The following FMN2 variants were observed in gnomAD, a reference collection of about 807,000 sequenced individuals.
The protein encoded by FMN2 is formin-2.
A neutral mutation model predicts 142.3 loss-of-function variants in FMN2; 51 were observed. That is an observed-to-expected ratio of 0.36 (90% CI 0.29 to 0.45). FMN2 has a LOEUF of 0.45. Ranked by LOEUF, FMN2 falls within the 20% of genes least tolerant of loss-of-function variation. The probability of loss-of-function intolerance (pLI) is 1.00; values close to 1 mark genes in which losing one functional copy is unlikely to be tolerated. For missense variants in FMN2, 1,936 were observed against 2,122.8 expected, an observed-to-expected ratio of 0.91 and a Z score of 1.73; for synonymous variants, 882 against 869.8, an observed-to-expected ratio of 1.01 and a Z score of -0.25.
intron 1 of FMN2, among the ~76,000 whole-genome samples, chr1:240,113,490 A>G (rs55782825): frequency 0.65 from 96,730 of 147,690 alleles, 32,275 homozygotes; most frequent in African/African-American, 0.8. Flanking sequence ...CCGGGGAGGC[A>G]GAGGTCGCAG....
intron 2 of FMN2, among the ~76,000 whole-genome samples, chr1:240,146,779 T>G (rs1051023266): frequency 5.9e-5 from 9 of 152,202 alleles, no homozygotes; most frequent in African/African-American, 2.2e-4. Flanking sequence ...ATAGACTGTT[T>G]TGAATTTATT....
At chr1:240,439,167 C>T (rs967132863) in intron 16 of FMN2, among the ~76,000 whole-genome samples, 9 of 150,508 alleles carry the variant, frequency 6.0e-5, no homozygotes, top group African/African-American at 1.7e-4. Flanking sequence ...CAGCTACTTG[C>T]GAGACTGAGG....
chr1:240,438,586 C>G (rs563138147), intron 16 of FMN2, among the ~76,000 whole-genome samples: 1 of 152,328 alleles, frequency 6.6e-6, no homozygotes, highest in South Asian at 2.1e-4. Context: ...GAATAGTTTG[C>G]TCAATTCATG....
chr1:240,220,621 A>G (rs551802938), intron 6 of FMN2, among the ~76,000 whole-genome samples: 1 of 152,132 alleles, frequency 6.6e-6, no homozygotes, highest in African/African-American at 2.4e-5. Context: ...AACCTCATAC[A>G]GACCCACCAA....
intron 6 of FMN2, among the ~76,000 whole-genome samples, chr1:240,254,751 G>C (rs1572121036): frequency 6.6e-6 from 1 of 152,230 alleles, no homozygotes. Context: ...CAGAGGCCTT[G>C]TTGCTAGGGG....
intron 16 of FMN2, among the ~76,000 whole-genome samples, chr1:240,456,149 A>T (rs1465923555): frequency 6.6e-6 from 1 of 152,148 alleles, no homozygotes; most frequent in African/African-American, 2.4e-5. Flanking sequence ...GATAATTATT[A>T]TAATATATAC....
At chr1:240,158,897 T>C (rs574689144) in intron 2 of FMN2, among the ~76,000 whole-genome samples, 1 of 152,330 alleles carries the variant, frequency 6.6e-6, no homozygotes, top group African/African-American at 2.4e-5. Flanking sequence ...ATTGTATTTA[T>C]TATTCTTTGG....
intron 6 of FMN2, among the ~76,000 whole-genome samples, chr1:240,219,315 C>G (rs886724594): frequency 1.3e-5 from 2 of 152,068 alleles, no homozygotes; most frequent in Admixed American, 6.5e-5. Context: ...TCCTTCTTTA[C>G]CATGGACAGC....
intron 7 of FMN2, among the ~76,000 whole-genome samples, chr1:240,284,638 A>G (rs1235922823): frequency 6.6e-6 from 1 of 152,206 alleles, no homozygotes; most frequent in Non-Finnish European, 1.5e-5. Flanking sequence ...GAAGAGGGAA[A>G]TATTTCTACT....
chr1:240,355,510 A>C (rs888594189), intron 13 of FMN2, among the ~76,000 whole-genome samples: 1 of 152,154 alleles, frequency 6.6e-6, no homozygotes, highest in African/African-American at 2.4e-5. Context: ...AGGCTCTGCT[A>C]TCATGCCCAT....
chr1:240,407,033 A>T (rs1674231154), intron 15 of FMN2, among the ~76,000 whole-genome samples: 1 of 152,232 alleles, frequency 6.6e-6, no homozygotes, highest in Non-Finnish European at 1.5e-5. Flanking sequence ...ACATGTGGGT[A>T]AACTTTAAAA....
At chr1:240,254,851 C>A (rs779312034) in intron 6 of FMN2, among the ~76,000 whole-genome samples, 33 of 152,114 alleles carry the variant, frequency 2.2e-4, no homozygotes, top group Non-Finnish European at 2.5e-4. Flanking sequence ...GATGCAGGGG[C>A]TATTGGGCCC....
chr1:240,304,866 A>G (rs966230113), intron 8 of FMN2, among the ~76,000 whole-genome samples: 2 of 152,186 alleles, frequency 1.3e-5, no homozygotes, highest in African/African-American at 4.8e-5. Flanking sequence ...CTGATCTGCT[A>G]AGAGCTGACA....
intron 7 of FMN2, among the ~76,000 whole-genome samples, chr1:240,276,291 G>C (rs1669206528): frequency 6.6e-6 from 1 of 152,142 alleles, no homozygotes; most frequent in African/African-American, 2.4e-5. Context: ...CAAGGGTTGA[G>C]GTCTTGTCAT....
chr1:240,264,773 G>A (rs145340129), intron 7 of FMN2, among the ~76,000 whole-genome samples: 80 of 152,176 alleles, frequency 5.3e-4, no homozygotes, highest in African/African-American at 1.8e-3. Flanking sequence ...TCTTTAACAG[G>A]TTACCTGTTC....
intron 1 of FMN2, among the ~76,000 whole-genome samples, chr1:240,109,814 T>A (rs933582394): frequency 6.6e-6 from 1 of 152,166 alleles, no homozygotes; most frequent in African/African-American, 2.4e-5. Flanking sequence ...GTACTCTGCA[T>A]CTCTTCTACA....
intron 6 of FMN2, among the ~76,000 whole-genome samples, chr1:240,226,372 C>G (rs772574502): frequency 1.3e-5 from 2 of 152,138 alleles, no homozygotes; most frequent in Non-Finnish European, 1.5e-5. Context: ...GACCAGAAGG[C>G]AGTAGGATGA....
intron 7 of FMN2, among the ~76,000 whole-genome samples, chr1:240,263,287 C>T (rs970780959): frequency 1.3e-5 from 2 of 152,182 alleles, no homozygotes; most frequent in Non-Finnish European, 2.9e-5. Context: ...TTGCTTCAGA[C>T]AGATATAAGC....
At chr1:240,191,207 G>A (rs1665683663) in intron 4 of FMN2, among the ~76,000 whole-genome samples, 1 of 152,198 alleles carries the variant, frequency 6.6e-6, no homozygotes, top group African/African-American at 2.4e-5. Flanking sequence ...CTCAATCTGA[G>A]CACATTGGAA....
Sources: allele counts gnomAD v4.1 joint callset (sites outside exome capture counted in the v4.1 genomes callset), GRCh38; gene constraint gnomAD v4.1.1; transcripts MANE v1.5; gene names NCBI Gene and HGNC (gene_info 2026-07-23, HGNC 2026-07-21).